The following CC2D2A variants were observed in gnomAD, a reference collection of about 807,000 sequenced individuals.
The protein encoded by CC2D2A is coiled-coil and C2 domain containing 2A, also known as coiled-coil and C2 domain-containing protein 2A.
A neutral mutation model predicts 212.9 loss-of-function variants in CC2D2A; 155 were observed. The ratio of observed to expected loss-of-function variants is 0.73; its 90% confidence interval spans 0.64 to 0.83. The LOEUF (loss-of-function observed/expected upper bound fraction) is 0.83, where lower values mean the gene tolerates loss of function less well. CC2D2A is among the 40% of genes least tolerant of loss of function. The pLI is 0.00. For missense variants in CC2D2A, 1,856 were observed against 1,956.2 expected, an observed-to-expected ratio of 0.95 and a Z score of 0.97; for synonymous variants, 667 against 686.5, an observed-to-expected ratio of 0.97 and a Z score of 0.44.
In CC2D2A at chr4:15,574,152, T is replaced by C; in HGVS notation, c.3597T>C (p.Ile1199=). ...ACCAAGTCATATTTTCTTCACAGAT[T>C]GATGGAACATTTAAAATAGATATTC... ...PFSTIYFQAR[I]DGTFKIDIPP... Residue 1199 remains isoleucine, a splice_region_variant and synonymous_variant, in exon 29 of 37, where the codon ATT becomes ATC. Coordinates refer to ENST00000424120, the MANE Select transcript of CC2D2A (RefSeq NM_001378615.1). 2 of 1,540,266 alleles carry C rather than the reference T, an allele frequency of 1.3e-6. No individual in the cohort carries two copies. The highest frequency in any genetic ancestry group is 1.2e-5 in the South Asian group (1 of 82,212).
Position 15,492,878 on chromosome 4 carries a change from C to T in CC2D2A, c.248-9551C>T, listed in dbSNP as rs138115563. 67 of 566,514 alleles carry T rather than the reference C, an allele frequency of 1.2e-4. No individual in the cohort carries two copies. The East Asian group carries it at 2.4e-3, about 21-fold the overall frequency. 35.1% of individuals were successfully genotyped at this position (566,514 alleles called of 1,614,324 possible). ...GAAGAGTGGGTGTCACTGTTAAAGT[C>T]GGAGAAGACAGCCTGGGTGCTCAGT... On this transcript the variant is annotated intron_variant, in intron 4 of 36. Coordinates refer to ENST00000424120, the MANE Select transcript of CC2D2A (RefSeq NM_001378615.1).
intron 11 of CC2D2A, among the ~76,000 whole-genome samples, chr4:15,517,951 C>T (rs144652858): frequency 6.6e-6 from 1 of 152,164 alleles, no homozygotes; most frequent in Admixed American, 6.5e-5. Flanking sequence ...AACTCATTCA[C>T]TATCATGAGA....
chr4:15,598,009 A>G (rs1034887562), intron 35 of CC2D2A, among the ~76,000 whole-genome samples: 2 of 152,126 alleles, frequency 1.3e-5, no homozygotes, highest in African/African-American at 4.8e-5. Context: ...CATGTGTACT[A>G]TTTCTACTGT....
chr4:15,543,836 T>C (rs955363390), intron 17 of CC2D2A: 1 of 152,230 alleles, frequency 6.6e-6, no homozygotes, highest in African/African-American at 2.4e-5. Flanking sequence ...AATCTCTCCA[T>C]CTCATCACCA....
chr4:15,574,104 T>C (rs1274095091), intron 28 of CC2D2A, 46 bp from the exon 29 acceptor site: 27 of 1,459,692 alleles, frequency 1.8e-5, no homozygotes, highest in Admixed American at 2.3e-5. Context: ...TCAACTTCTG[T>C]TGGAAAAAGC....
chr4:15,510,962 A>G (rs1716539161), intron 7 of CC2D2A, among the ~76,000 whole-genome samples: 1 of 152,242 alleles, frequency 6.6e-6, no homozygotes, highest in Non-Finnish European at 1.5e-5. Flanking sequence ...AATCTTATCT[A>G]AAGTGTTTAC....
chr4:15,525,758 G>C (rs1321392056), intron 11 of CC2D2A, among the ~76,000 whole-genome samples: 1 of 152,188 alleles, frequency 6.6e-6, no homozygotes, highest in African/African-American at 2.4e-5. Context: ...ATACAACAAA[G>C]AGAAAAGGAA....
intron 36 of CC2D2A, among the ~76,000 whole-genome samples, chr4:15,600,011 ACT>A (rs1354045328): frequency 6.6e-6 from 1 of 152,280 alleles, no homozygotes; most frequent in East Asian, 1.9e-4. Flanking sequence ...GGATCAAAAC[ACT>A]CTAGAGCAGT....
At chr4:15,520,380 A>G (rs1717136625) in intron 11 of CC2D2A, among the ~76,000 whole-genome samples, 1 of 152,254 alleles carries the variant, frequency 6.6e-6, no homozygotes, top group Non-Finnish European at 1.5e-5. Context: ...ACAAAAATAC[A>G]TAATACAATT....
chr4:15,574,293 C>T lies in CC2D2A; in HGVS notation c.3738C>T (p.Pro1246=). 6.4e-7 allele frequency: 1 copy of T among 1,551,204 alleles called. No homozygotes were observed. Among genetic ancestry groups the T allele is most frequent in the Non-Finnish European group, 8.7e-7 (1 of 1,146,714 alleles). Residue 1246 remains proline, a synonymous_variant, in exon 29 of 37, where the codon CCC becomes CCT. Coordinates refer to ENST00000424120, the MANE Select transcript of CC2D2A (RefSeq NM_001378615.1). ...SYITLFITIE[P]QLVPGESIRE... ...TTACCCTCTTTATTACCATTGAGCC[C>T]CAGCTGGTTCCTGGAGAGTCCATTC...
chr4:15,521,931 G>C (rs189164187), intron 11 of CC2D2A, among the ~76,000 whole-genome samples: 2 of 152,184 alleles, frequency 1.3e-5, no homozygotes, highest in African/African-American at 4.8e-5. Context: ...AGGAGCAGGG[G>C]CTCACACCTG....
intron 33 of CC2D2A, among the ~76,000 whole-genome samples, chr4:15,590,841 A>T (rs532118703): frequency 1.3e-5 from 2 of 152,040 alleles, no homozygotes; most frequent in African/African-American, 2.4e-5. Flanking sequence ...CGTTCATGCG[A>T]TTCTCCTACC....
chr4:15,538,272 C>G (rs943656348), intron 16 of CC2D2A, 135 bp downstream of exon 16: 1 of 975,772 alleles, frequency 1.0e-6, no homozygotes, highest in African/African-American at 1.6e-5. Context: ...ATCATTAACT[C>G]TAAATGAATA....
chr4:15,577,479 C>A (rs928380876), intron 29 of CC2D2A, among the ~76,000 whole-genome samples: 9 of 152,152 alleles, frequency 5.9e-5, no homozygotes, highest in African/African-American at 2.2e-4. Flanking sequence ...TTTAACTTCT[C>A]CTTGGCACTT....
intron 2 of CC2D2A, among the ~76,000 whole-genome samples, chr4:15,476,994 A>G (rs1560386825): frequency 6.6e-6 from 1 of 152,154 alleles, no homozygotes; most frequent in East Asian, 1.9e-4. Context: ...TCATTATAAA[A>G]CCATGCAGAT....
At chr4:15,513,248 A>T (rs1253176755) in intron 8 of CC2D2A, among the ~76,000 whole-genome samples, 1 of 152,242 alleles carries the variant, frequency 6.6e-6, no homozygotes, top group Admixed American at 6.5e-5. Flanking sequence ...TCCCAAAAGC[A>T]AGTGATCTAG....
At chr4:15,585,903 C>T (rs909831492) in intron 30 of CC2D2A, among the ~76,000 whole-genome samples, 4 of 151,860 alleles carry the variant, frequency 2.6e-5, no homozygotes, top group African/African-American at 7.3e-5. Flanking sequence ...TAAAGTAGTG[C>T]GAAATGAAAG....
chr4:15,499,626 A>T (rs1715809773), intron 4 of CC2D2A, among the ~76,000 whole-genome samples: 1 of 152,160 alleles, frequency 6.6e-6, no homozygotes, highest in East Asian at 1.9e-4. Context: ...TGTTCTAGTA[A>T]ACCATGTACA....
At chr4:15,519,944 T>C (rs1016437210) in intron 11 of CC2D2A, 16 of 235,880 alleles carry the variant, frequency 6.8e-5, no homozygotes, top group African/African-American at 3.6e-4. Flanking sequence ...TTTAAATTTG[T>C]AACATTCAGC....
Sources: allele counts gnomAD v4.1 joint callset (sites outside exome capture counted in the v4.1 genomes callset), GRCh38; gene constraint gnomAD v4.1.1; transcripts MANE v1.5; gene names NCBI Gene and HGNC (gene_info 2026-07-23, HGNC 2026-07-21).